Variants in CSMD2 observed in about 807,000 individuals in gnomAD.
The protein encoded by CSMD2 is CUB and sushi domain-containing protein 2.
A neutral mutation model predicts 398.5 loss-of-function variants in CSMD2; 130 were observed. That is an observed-to-expected ratio of 0.33 (90% CI 0.28 to 0.38). The LOEUF (loss-of-function observed/expected upper bound fraction) is 0.38, where lower values mean the gene tolerates loss of function less well. Ranked by LOEUF, CSMD2 falls within the 10% of genes least tolerant of loss-of-function variation. The pLI, the probability that CSMD2 is intolerant of heterozygous loss-of-function variation, is 1.00. For synonymous variants in CSMD2, 1,828 were observed against 1,908.5 expected, an observed-to-expected ratio of 0.96 and a Z score of 1.10; for missense variants, 3,829 against 4,764.9, an observed-to-expected ratio of 0.80 and a Z score of 5.78.
chr1:33,740,519 G>C (rs1421559642), intron 14 of CSMD2, among the ~76,000 whole-genome samples: 1 of 152,218 alleles, frequency 6.6e-6, no homozygotes, highest in Non-Finnish European at 1.5e-5. Context: ...CTGCAAACCT[G>C]ACCCTTCCCA....
intron 4 of CSMD2, among the ~76,000 whole-genome samples, chr1:33,922,264 T>C (rs1377344784): frequency 6.6e-6 from 1 of 151,872 alleles, no homozygotes; most frequent in Non-Finnish European, 1.5e-5. Context: ...TGAACAGACC[T>C]GTATGGAGCA....
At chr1:33,680,887 T>C (rs1167885537) in intron 25 of CSMD2, among the ~76,000 whole-genome samples, 1 of 147,544 alleles carries the variant, frequency 6.8e-6, no homozygotes, top group Non-Finnish European at 1.5e-5. Context: ...TGACTAATAA[T>C]ACAAGCTTAT....
At chr1:33,668,434 C>A (rs1644384869) in intron 25 of CSMD2, among the ~76,000 whole-genome samples, 1 of 152,162 alleles carries the variant, frequency 6.6e-6, no homozygotes, top group Admixed American at 6.5e-5. Flanking sequence ...TTATTATAAA[C>A]CTTTGATGAT....
rs369597433 is a variant in CSMD2 at position 33,864,390 on chromosome 1, G to A, written c.921-17394C>T. On this transcript the variant is annotated intron_variant, in intron 5 of 70. Transcript: ENST00000373381. ...CAAATATGAAGCCCTGGCCAAACTCGACAAAGCCCGATACCAGGAAGAAAT... is the reference window on the plus strand; with the variant it reads ...CAAATATGAAGCCCTGGCCAAACTCAACAAAGCCCGATACCAGGAAGAAAT... 34 of 1,613,924 alleles carry A rather than the reference G, an allele frequency of 2.1e-5. No homozygotes were observed. The African/African-American group carries it at 3.7e-4, about 18-fold the overall frequency.
At chr1:34,030,645 T>A (rs1475703278) in intron 3 of CSMD2, among the ~76,000 whole-genome samples, 1 of 152,230 alleles carries the variant, frequency 6.6e-6, no homozygotes, top group African/African-American at 2.4e-5. Context: ...ACTCTGAATG[T>A]GCCCTCAGAT....
chr1:33,707,130 A>G (rs569168914), intron 22 of CSMD2, among the ~76,000 whole-genome samples: 2 of 152,282 alleles, frequency 1.3e-5, no homozygotes, highest in South Asian at 4.1e-4. Flanking sequence ...TTCTGAATCT[A>G]GACCCCCTTA....
rs953220122 is a variant in CSMD2, at chr1:33,985,251, C to T, written c.517+47343G>A. Among the ~76,000 whole-genome samples the T allele has an allele frequency of 5.9e-5, 9 of 152,210 alleles. No homozygotes were observed. The East Asian group carries it at 7.7e-4, about 13-fold the overall frequency. On this transcript the variant is annotated intron_variant, in intron 3 of 70. Coordinates refer to ENST00000373381, the MANE Select transcript of CSMD2 (RefSeq NM_001281956.2). ...TAGCCTTCCTTCCCCATCCACCCCA[C>T]CCCTCCCTGGGAAGTAGTCACAGCT...
intron 5 of CSMD2, among the ~76,000 whole-genome samples, chr1:33,916,959 C>T (rs553676956): frequency 1.6e-4 from 25 of 152,270 alleles, no homozygotes; most frequent in Non-Finnish European, 3.7e-4. Flanking sequence ...TTCCCATCTT[C>T]CTCCTCCCTA....
chr1:34,130,883 C>T (rs1663275771), intron 1 of CSMD2, among the ~76,000 whole-genome samples: 1 of 152,130 alleles, frequency 6.6e-6, no homozygotes, highest in Admixed American at 6.5e-5. Flanking sequence ...CGCACATCCA[C>T]AGCTTGCTTC....
At chr1:33,728,333 C>CT (rs11302718) in intron 15 of CSMD2, among the ~76,000 whole-genome samples, 73 of 149,710 alleles carry the variant, frequency 4.9e-4, no homozygotes, top group Non-Finnish European at 8.9e-4. Context: ...ACCCAATCCT[C>CT]TTTTTTTTTT....
intron 10 of CSMD2, among the ~76,000 whole-genome samples, chr1:33,802,822 A>C (rs1570024638): frequency 4.1e-5 from 6 of 145,782 alleles, no homozygotes; most frequent in African/African-American, 1.0e-4. Flanking sequence ...CTGTACCTTC[A>C]CTCTCTCCCT....
At chr1:34,067,175 G>A (rs189242298) in intron 2 of CSMD2, among the ~76,000 whole-genome samples, 1 of 152,268 alleles carries the variant, frequency 6.6e-6, no homozygotes, top group Non-Finnish European at 1.5e-5. Context: ...TCTGGGTAGT[G>A]ATTAGAGGGA....
intron 19 of CSMD2, among the ~76,000 whole-genome samples, chr1:33,722,144 C>T (rs918766136): frequency 3.9e-5 from 6 of 152,104 alleles, no homozygotes; most frequent in African/African-American, 1.2e-4. Context: ...CAGTATAATA[C>T]ATAATATCTT....
At chr1:33,837,565 C>T (rs1212297036) in intron 6 of CSMD2, among the ~76,000 whole-genome samples, 1 of 152,220 alleles carries the variant, frequency 6.6e-6, no homozygotes, top group African/African-American at 2.4e-5. Flanking sequence ...TTAATATTCA[C>T]TGGGCTGCTT....
chr1:33,523,533 T>C (rs563041307), intron 66 of CSMD2, 114 bp from the exon 67 acceptor site: 2 of 628,382 alleles, frequency 3.2e-6, no homozygotes, highest in Non-Finnish European at 5.8e-6. Flanking sequence ...TAGATGTTGA[T>C]ATAAACATTC....
intron 10 of CSMD2, among the ~76,000 whole-genome samples, chr1:33,796,317 T>C (rs1297702721): frequency 6.6e-6 from 1 of 152,236 alleles, no homozygotes; most frequent in Non-Finnish European, 1.5e-5. Flanking sequence ...TCAGGGACAC[T>C]GAATGGAGGG....
In CSMD2 at chr1:33,577,498, T is replaced by C. The variant is rs537703840; in HGVS notation, c.7388-14A>G. 1.9e-5 allele frequency: 30 copies of C among 1,597,968 alleles called. No individual in the cohort carries two copies. The African/African-American group carries it at 2.4e-4, about 13-fold the overall frequency. ...TGCAGTAAGGGGCTGAACAACAAGA[T>C]GAGGTTCAGGGAACTGGCACCAGCA... is the stretch of plus-strand genomic sequence containing the variant. On this transcript the variant is annotated splice_polypyrimidine_tract_variant and intron_variant, in intron 48 of 70. Coordinates refer to ENST00000373381, the MANE Select transcript of CSMD2 (RefSeq NM_001281956.2).
At chr1:33,790,250 G>A (rs1467987566) in intron 11 of CSMD2, among the ~76,000 whole-genome samples, 1 of 152,094 alleles carries the variant, frequency 6.6e-6, no homozygotes, top group African/African-American at 2.4e-5. Flanking sequence ...CCAGCTACTT[G>A]GTCAAACATT....
chr1:34,042,147 G>A (rs1196660533), intron 2 of CSMD2, among the ~76,000 whole-genome samples: 1 of 152,248 alleles, frequency 6.6e-6, no homozygotes, highest in Non-Finnish European at 1.5e-5. Context: ...CATTACTGGA[G>A]TAAATGTAAG....
Sources: gnomAD v4.1 joint callset for allele counts (sites outside exome capture counted in the v4.1 genomes callset) on GRCh38, gnomAD v4.1.1 for gene constraint, MANE v1.5 for transcripts, NCBI Gene and HGNC (gene_info 2026-07-23, HGNC 2026-07-21) for gene names.